Variants in DMD observed in about 807,000 individuals in gnomAD.
DMD encodes the protein dystrophin, also known as mutant dystrophin.
DMD carries 63 observed loss-of-function variants against 330.1 expected under a neutral mutation model. The observed-to-expected ratio is 0.19, with a 90% CI of 0.16 to 0.24. The LOEUF is 0.24. Ranked by LOEUF, DMD falls within the 10% of genes least tolerant of loss-of-function variation. DMD has a pLI of 1.00. For missense variants in DMD, 3,344 were observed against 2,684.1 expected (o/e 1.25, Z -5.43); for synonymous variants, 1,223 against 959.8 (o/e 1.27, Z -5.07).
intron 2 of DMD, among the ~76,000 whole-genome samples, chrX:32,929,566 T>G (rs1037785110): frequency 1.8e-5 from 2 of 111,349 alleles, no homozygotes; most frequent in South Asian, 7.5e-4. Flanking sequence ...TACTTTTCTT[T>G]TATATTATTA....
chrX:32,130,362 T>C (rs1178099167), intron 44 of DMD, among the ~76,000 whole-genome samples: 1 of 111,544 alleles, frequency 9.0e-6, no homozygotes, highest in African/African-American at 3.3e-5. Flanking sequence ...AAATTTGTTT[T>C]TATTATTTTC....
intron 72 of DMD, 137 bp from the exon 73 acceptor site, chrX:31,172,550 T>C (rs1479262568): frequency 2.4e-5 from 13 of 545,816 alleles, no homozygotes; most frequent in Non-Finnish European, 3.4e-5. Context: ...AAAGGATGTG[T>C]GTGTTGGCTT....
chrX:33,289,101 GT>G (rs1017482940), intron 1 of DMD, among the ~76,000 whole-genome samples: 1 of 110,987 alleles, frequency 9.0e-6, no homozygotes, highest in African/African-American at 3.3e-5. Flanking sequence ...ACAAAATATA[GT>G]TTTTTTAATT....
intron 39 of DMD, among the ~76,000 whole-genome samples, chrX:32,345,382 C>G (rs188925647): frequency 2.8e-4 from 31 of 111,593 alleles, no homozygotes; most frequent in Non-Finnish European, 4.7e-4. Context: ...AGTAGCAGTT[C>G]TTATTCAAGG....
chrX:31,926,165 C>A (rs947309973), intron 47 of DMD, among the ~76,000 whole-genome samples: 2 of 96,759 alleles, frequency 2.1e-5, no homozygotes, highest in African/African-American at 7.6e-5. Context: ...AACATCCCCA[C>A]TTTGTGGCTC....
At chrX:32,711,262 C>T (rs887147527) in intron 7 of DMD, among the ~76,000 whole-genome samples, 2 of 111,328 alleles carry the variant, frequency 1.8e-5, no homozygotes, top group Middle Eastern at 4.3e-3. Context: ...AAATGTCGGC[C>T]TCTCTCAAAT....
In DMD at chrX:32,658,732, C is replaced by A. The variant is rs936578625; in HGVS notation, c.961-13580G>T. 3.1e-4 allele frequency among the ~76,000 whole-genome samples: 34 copies of A among 111,159 alleles called. 1 individual carries two copies. Among genetic ancestry groups the A allele is most frequent in the African/African-American group, 1.1e-3 (33 of 30,616 alleles). On this transcript the variant is annotated intron_variant, in intron 9 of 78. Transcript: ENST00000357033. Reference sequence around the variant, plus strand: ...GCCATCTCTGAAATCTCACTGCCCTCCCCCTGCCCTACCTCCATTGCTGTA... The same window carrying A: ...GCCATCTCTGAAATCTCACTGCCCTACCCCTGCCCTACCTCCATTGCTGTA...
intron 1 of DMD, among the ~76,000 whole-genome samples, chrX:33,194,781 T>G: frequency 9.0e-6 from 1 of 111,620 alleles, no homozygotes; most frequent in Middle Eastern, 4.6e-3. Flanking sequence ...ATCTGTGGAT[T>G]TCTGTAATAC....
chrX:31,879,028 T>C (rs950546649), intron 47 of DMD, among the ~76,000 whole-genome samples: 1 of 112,102 alleles, frequency 8.9e-6, no homozygotes, highest in African/African-American at 3.2e-5. Flanking sequence ...TTAAGGTTAA[T>C]GTGCAGTGAG....
intron 64 of DMD, among the ~76,000 whole-genome samples, chrX:31,212,750 T>C (rs5971552): frequency 0.25 from 27,708 of 110,617 alleles, 2,731 homozygotes; most frequent in Middle Eastern, 0.35. Context: ...GCAGGATATC[T>C]AGGTTTTCTG....
At chrX:33,085,403 C>T (rs1032702208) in intron 1 of DMD, among the ~76,000 whole-genome samples, 2 of 111,302 alleles carry the variant, frequency 1.8e-5, no homozygotes, top group African/African-American at 6.5e-5. Context: ...TTGTTATTTC[C>T]TTACACCATA....
intron 55 of DMD, among the ~76,000 whole-genome samples, chrX:31,604,552 C>T (rs928951097): frequency 1.8e-5 from 2 of 111,951 alleles, no homozygotes; most frequent in African/African-American, 6.5e-5. Context: ...ATGGAAGATG[C>T]ACGTTCTATA....
At chrX:32,820,228 A>G (rs1334666942) in intron 5 of DMD, among the ~76,000 whole-genome samples, 1 of 112,064 alleles carries the variant, frequency 8.9e-6, no homozygotes, top group Non-Finnish European at 1.9e-5. Context: ...TCACAAGGTC[A>G]GGAGATCGAG....
intron 9 of DMD, among the ~76,000 whole-genome samples, chrX:32,677,179 G>A (rs1478589665): frequency 2.7e-5 from 3 of 110,949 alleles, no homozygotes; most frequent in Admixed American, 9.6e-5. Context: ...TACATATATA[G>A]ATGTATAACC....
intron 55 of DMD, among the ~76,000 whole-genome samples, chrX:31,526,653 G>A (rs2073257903): frequency 8.9e-6 from 1 of 111,776 alleles, no homozygotes; most frequent in African/African-American, 3.3e-5. Flanking sequence ...CCCAACAAAG[G>A]AGATATATAA....
At chrX:32,044,980 T>C (rs2096052388) in intron 44 of DMD, among the ~76,000 whole-genome samples, 1 of 111,645 alleles carries the variant, frequency 9.0e-6, no homozygotes, top group African/African-American at 3.3e-5. Context: ...TAATTCCCAA[T>C]GTTGGTGGTG....
chrX:31,975,700 G>A (rs747457376), intron 44 of DMD, among the ~76,000 whole-genome samples: 5 of 111,974 alleles, frequency 4.5e-5, no homozygotes, highest in Admixed American at 9.5e-5. Flanking sequence ...CGTGATATTC[G>A]AAAGGAAGCA....
intron 9 of DMD, among the ~76,000 whole-genome samples, chrX:32,692,696 G>A (rs2063366704): frequency 9.0e-6 from 1 of 111,675 alleles, no homozygotes; most frequent in Non-Finnish European, 1.9e-5. Flanking sequence ...TCTTTTACTC[G>A]GTATATTAAC....
At chrX:32,483,579 T>C (rs1171669283) in intron 21 of DMD, among the ~76,000 whole-genome samples, 1 of 109,456 alleles carries the variant, frequency 9.1e-6, no homozygotes, top group East Asian at 2.9e-4. Flanking sequence ...AATTGCTGCA[T>C]AGCCACTAAA....
Sources: allele counts gnomAD v4.1 joint callset (sites outside exome capture counted in the v4.1 genomes callset), GRCh38; gene constraint gnomAD v4.1.1; transcripts MANE v1.5; gene names NCBI Gene and HGNC (gene_info 2026-07-23, HGNC 2026-07-21).